FAM193A: variants seen among roughly 807,000 people sequenced by gnomAD.
The protein encoded by FAM193A is protein FAM193A.
In FAM193A, 22 loss-of-function variants were observed where a neutral mutation model predicts 126.5. The ratio of observed to expected loss-of-function variants is 0.17; its 90% CI spans 0.12 to 0.25. The LOEUF is 0.25. Ranked by LOEUF, FAM193A falls within the 10% of genes least tolerant of loss-of-function variation. The pLI, the probability that FAM193A is intolerant of heterozygous loss-of-function variation, is 1.00. For missense variants in FAM193A, 1,675 were observed against 1,672.8 expected, an observed-to-expected ratio of 1.00 and a Z score of -0.02; for synonymous variants, 761 against 646.8, an observed-to-expected ratio of 1.18 and a Z score of -2.68.
At chr4:2,629,151 TAAAA>T (rs1222611976) in intron 4 of FAM193A, among the ~76,000 whole-genome samples, 1 of 148,690 alleles carries the variant, frequency 6.7e-6, no homozygotes, top group Non-Finnish European at 1.5e-5. Context: ...TTATATAACT[TAAAA>T]AAAAATCTGT....
At chr4:2,617,181 ATT>A (rs1742241910) in intron 2 of FAM193A, among the ~76,000 whole-genome samples, 1 of 126,666 alleles carries the variant, frequency 7.9e-6, no homozygotes, top group Non-Finnish European at 1.6e-5. Flanking sequence ...AAAAAAAAAA[ATT>A]AAAAAAAAAA....
intron 20 of FAM193A, among the ~76,000 whole-genome samples, chr4:2,720,713 C>T (rs1483293420): frequency 6.6e-6 from 1 of 151,490 alleles, no homozygotes; most frequent in African/African-American, 2.4e-5. Flanking sequence ...AAATGTAGCT[C>T]AAAAGAGCAT....
At chr4:2,668,166 A>G (rs1263591873) in intron 12 of FAM193A, among the ~76,000 whole-genome samples, 2 of 152,018 alleles carry the variant, frequency 1.3e-5, no homozygotes, top group African/African-American at 2.4e-5. Context: ...GGAAATCCCA[A>G]AGTGCTAAGA....
chr4:2,540,534 G>C (rs1482064105), intron 1 of FAM193A, among the ~76,000 whole-genome samples: 2 of 151,778 alleles, frequency 1.3e-5, no homozygotes, highest in Non-Finnish European at 2.9e-5. Flanking sequence ...TGTAGTCCCA[G>C]CTACTCCGGA....
At chr4:2,628,855 T>C (rs1475534252) in intron 4 of FAM193A, among the ~76,000 whole-genome samples, 22 of 68,494 alleles carry the variant, frequency 3.2e-4, no homozygotes, top group East Asian at 1.6e-3. Context: ...GTCTCTCTCT[T>C]TTTTTTTTTT....
chr4:2,679,380 T>C (rs1355599445), intron 13 of FAM193A, among the ~76,000 whole-genome samples: 10 of 125,042 alleles, frequency 8.0e-5, no homozygotes, highest in African/African-American at 2.6e-4. Flanking sequence ...TCTTTCTTTT[T>C]TTTTTTTTTT....
At chr4:2,577,946 C>A (rs1739702130) in intron 1 of FAM193A, among the ~76,000 whole-genome samples, 3 of 152,132 alleles carry the variant, frequency 2.0e-5, no homozygotes, top group Admixed American at 2.0e-4. Context: ...TCTGTTCATT[C>A]AACAAACATC....
chr4:2,560,021 C>T (rs938534153), intron 1 of FAM193A, among the ~76,000 whole-genome samples: 2 of 151,228 alleles, frequency 1.3e-5, no homozygotes, highest in African/African-American at 2.4e-5. Flanking sequence ...TGCAGTGGTG[C>T]GATCTTGGCT....
chr4:2,695,060 G>A lies in FAM193A; in HGVS notation c.3207G>A (p.Ser1069=), dbSNP rs745885240. The change falls in exon 17 of 21, where the codon TCG becomes TCA. Residue 1069 remains serine, a synonymous_variant. Transcript: ENST00000637812. ...GCTCTGAGCACAGCTCCAGCACCTC[G>A]ACCTCCACCAACCAGAAGGAGGGCA... ...DSCSEHSSST[S]TSTNQKEGKY... 48 of 1,609,474 alleles carry A rather than the reference G, an allele frequency of 3.0e-5. No homozygotes were observed. The Middle Eastern group carries it at 4.9e-4, about 17-fold the overall frequency.
intron 20 of FAM193A, among the ~76,000 whole-genome samples, chr4:2,723,746 C>G (rs1720419919): frequency 6.6e-6 from 1 of 152,048 alleles, no homozygotes; most frequent in Admixed American, 6.6e-5. Context: ...AAGCAAAAAC[C>G]TTTATGTTTT....
At chr4:2,603,178 A>G (rs541851355) in intron 2 of FAM193A, among the ~76,000 whole-genome samples, 5 of 149,190 alleles carry the variant, frequency 3.4e-5, no homozygotes, top group African/African-American at 9.8e-5. Context: ...ATTTTTTAGT[A>G]GAGACGGGGT....
chr4:2,606,207 C>T (rs1396605967), intron 2 of FAM193A, among the ~76,000 whole-genome samples: 5 of 151,376 alleles, frequency 3.3e-5, no homozygotes, highest in African/African-American at 7.3e-5. Context: ...TTTGCCACTG[C>T]GCCCGGCTAA....
chr4:2,560,720 TTCTC>T (rs1738559831), intron 1 of FAM193A, among the ~76,000 whole-genome samples: 1 of 152,216 alleles, frequency 6.6e-6, no homozygotes, highest in African/African-American at 2.4e-5. Flanking sequence ...GCTTTGTCGT[TTCTC>T]TCCTGTGTCT....
chr4:2,617,046 T>C (rs1275093535), intron 2 of FAM193A, among the ~76,000 whole-genome samples: 1 of 144,546 alleles, frequency 6.9e-6, no homozygotes, highest in East Asian at 2.1e-4. Context: ...CACATGCCTG[T>C]CATCCCAGCT....
intron 2 of FAM193A, among the ~76,000 whole-genome samples, chr4:2,617,206 T>C (rs1052204024): frequency 7.5e-6 from 1 of 134,074 alleles, no homozygotes; most frequent in African/African-American, 3.0e-5. Context: ...AAGAATATTT[T>C]TTGACCCATG....
intron 19 of FAM193A, among the ~76,000 whole-genome samples, chr4:2,701,354 C>T (rs12499320): frequency 0.34 from 51,525 of 150,498 alleles, 9,855 homozygotes; most frequent in Admixed American, 0.53. Flanking sequence ...CATGTCGTAT[C>T]TCTTTAATTT....
intron 7 of FAM193A, among the ~76,000 whole-genome samples, chr4:2,651,624 A>G (rs552170823): frequency 1.4e-4 from 22 of 152,314 alleles, no homozygotes; most frequent in African/African-American, 5.3e-4. Flanking sequence ...TCCTCCCCTG[A>G]CATGTGGGGA....
intron 1 of FAM193A, among the ~76,000 whole-genome samples, chr4:2,554,528 G>GTA (rs774965163): frequency 6.6e-6 from 1 of 152,102 alleles, no homozygotes; most frequent in Admixed American, 6.6e-5. Context: ...ACTTAAAAAT[G>GTA]TATGTACTAC....
intron 1 of FAM193A, among the ~76,000 whole-genome samples, chr4:2,556,593 G>C (rs571781702): frequency 5.1e-4 from 77 of 152,154 alleles, no homozygotes; most frequent in Non-Finnish European, 1.0e-3. Flanking sequence ...GATGTGGGGG[G>C]ATCACTTGAG....
Sources: allele counts gnomAD v4.1 joint callset (sites outside exome capture counted in the v4.1 genomes callset), GRCh38; gene constraint gnomAD v4.1.1; transcripts MANE v1.5; gene names NCBI Gene and HGNC (gene_info 2026-07-23, HGNC 2026-07-21).